MARK4: variants seen among roughly 807,000 people sequenced by gnomAD.
MARK4 encodes the protein MAP/microtubule affinity-regulating kinase 4.
A neutral mutation model predicts 81.5 loss-of-function variants in MARK4; 19 were observed. The observed-to-expected ratio is 0.23, with a 90% confidence interval of 0.16 to 0.34. MARK4 has a LOEUF of 0.34. Among genes scored for constraint, MARK4 ranks in the 10% least tolerant of loss-of-function variants. MARK4 has a pLI of 1.00. For synonymous variants in MARK4, 436 were observed against 439.0 expected (o/e 0.99, Z 0.08); for missense variants, 772 against 1,058.8 (o/e 0.73, Z 3.76).
intron 12 of MARK4, among the ~76,000 whole-genome samples, chr19:45,282,255 C>A (rs1330725671): frequency 1.3e-5 from 2 of 151,286 alleles, no homozygotes; most frequent in African/African-American, 4.9e-5. Context: ...AGGATACACA[C>A]CACCATCAGC....
rs1437831748 is a variant in MARK4, at chr19:45,298,098, T to G, written c.1877+144T>G. ...CCTCGTTTCCTCCTCCTCCTCCTCC[T>G]TTCCTCCTCCCCTGTCACCCCTCAC... On this transcript the variant is annotated intron_variant, in intron 15 of 16. Coordinates refer to ENST00000262891, the MANE Select transcript of MARK4 (RefSeq NM_001199867.2). 3 of 1,591,808 alleles carry G rather than the reference T, an allele frequency of 1.9e-6. No individual in the cohort carries two copies. In the East Asian group the frequency reaches 6.7e-5, roughly 36 times the overall value.
chr19:45,299,064 TAAAAAA>T (rs59720430), intron 15 of MARK4, among the ~76,000 whole-genome samples: 2 of 85,002 alleles, frequency 2.4e-5, no homozygotes, highest in African/African-American at 1.2e-4. Flanking sequence ...AACCTGTCTC[TAAAAAA>T]AAAAAAAAAA....
chr19:45,288,070 T>A (rs1055270634), intron 13 of MARK4: 2 of 221,446 alleles, frequency 9.0e-6, no homozygotes, highest in African/African-American at 2.3e-5. Flanking sequence ...CAACTAAAAA[T>A]CAAAAAAATT....
intron 12 of MARK4, among the ~76,000 whole-genome samples, chr19:45,281,208 A>AC (rs1314608930): frequency 6.7e-6 from 1 of 149,298 alleles, no homozygotes; most frequent in African/African-American, 2.5e-5. Flanking sequence ...GCCTGCCATA[A>AC]CCCCCCGGCT....
chr19:45,282,978 C>T (rs1351127774), intron 12 of MARK4, among the ~76,000 whole-genome samples: 10 of 151,726 alleles, frequency 6.6e-5, no homozygotes, highest in Admixed American at 2.6e-4. Flanking sequence ...GGTTACAGAG[C>T]GAGACCTCAT....
chr19:45,253,189 C>A lies in MARK4; in HGVS notation c.51+1550C>A, dbSNP rs543518715. 2.1e-4 allele frequency among the ~76,000 whole-genome samples: 29 copies of A among 140,066 alleles called. No homozygotes were observed. In the South Asian group the frequency reaches 3.9e-3, roughly 19 times the overall value. 91.9% of individuals were successfully genotyped at this position (140,066 alleles called of 152,430 possible). A position where few individuals can be genotyped will look rare whatever the true frequency, so the allele number is the denominator to read the frequency against. On this transcript the variant is annotated intron_variant, in intron 1 of 16. Coordinates refer to ENST00000262891, the MANE Select transcript of MARK4 (RefSeq NM_001199867.2). ...TTTCCCTCACCTCCGACAGACCCCC[C>A]CACACACACACACCATCAGAGAGAT...
At chr19:45,277,297 C>G (rs746098482) in intron 8 of MARK4, among the ~76,000 whole-genome samples, 3 of 151,926 alleles carry the variant, frequency 2.0e-5, no homozygotes, top group African/African-American at 7.3e-5. Flanking sequence ...AGGCTGGTCT[C>G]GAACTCCTGA....
At chr19:45,282,014 G>A (rs926405867) in intron 12 of MARK4, among the ~76,000 whole-genome samples, 41 of 151,930 alleles carry the variant, frequency 2.7e-4, no homozygotes, top group South Asian at 6.2e-4. Flanking sequence ...ACCTGAGGTT[G>A]GGAGTTTGAG....
At chr19:45,281,022 C>G (rs1259111575) in intron 12 of MARK4, among the ~76,000 whole-genome samples, 2 of 151,746 alleles carry the variant, frequency 1.3e-5, no homozygotes, top group African/African-American at 2.4e-5. Context: ...TCTCACTTAT[C>G]TCATCCTATC....
chr19:45,265,016 TAA>T (rs1970433062), intron 6 of MARK4, 106 bp downstream of exon 6: 4 of 1,119,390 alleles, frequency 3.6e-6, no homozygotes, highest in Non-Finnish European at 5.3e-6. Context: ...GGGCGGGGCT[TAA>T]GTCTGGGCAG....
chr19:45,261,882 A>G (rs1336615949), intron 2 of MARK4, among the ~76,000 whole-genome samples: 1 of 151,350 alleles, frequency 6.6e-6, no homozygotes, highest in Non-Finnish European at 1.5e-5. Flanking sequence ...GCGGTGAGCC[A>G]AGATTGCGCC....
rs374558524 is a variant in MARK4 at position 45,302,718 on chromosome 19, C to T, written c.*8C>T. The T allele has an allele frequency of 9.6e-5, 147 of 1,536,030 alleles. No homozygotes were observed. Among genetic ancestry groups the T allele is most frequent in the South Asian group, 2.7e-4 (23 of 84,120 alleles). Reference sequence around the variant, plus strand: ...AACGACCTCGAGCTCTGAGCCACCACGGTCCCAGGGCCCTTACTCTTCCTC... The same window carrying T: ...AACGACCTCGAGCTCTGAGCCACCATGGTCCCAGGGCCCTTACTCTTCCTC... On this transcript the variant is annotated 3_prime_UTR_variant, in exon 17 of 17. Transcript: ENST00000262891. The surrounding 1 kb of genome is among the most constrained non-coding windows in gnomAD (Gnocchi z 4.9).
At chr19:45,254,470 G>A (rs911405321) in intron 1 of MARK4, among the ~76,000 whole-genome samples, 6 of 152,216 alleles carry the variant, frequency 3.9e-5, no homozygotes, top group Admixed American at 3.3e-4. Context: ...TCTCTCCTGG[G>A]AAGAAGCCTG....
At chr19:45,267,025 C>G (rs1412052204) in intron 7 of MARK4, among the ~76,000 whole-genome samples, 1 of 151,962 alleles carries the variant, frequency 6.6e-6, no homozygotes, top group African/African-American at 2.4e-5. Flanking sequence ...AGCCACGGCA[C>G]CTGGCCGGGA....
chr19:45,263,368 G>T lies in MARK4; in HGVS notation c.355+1G>T. The T allele has an allele frequency of 6.2e-7, 1 of 1,614,160 alleles. No individual in the cohort carries two copies. Among genetic ancestry groups the T allele is most frequent in the Non-Finnish European group, 8.5e-7 (1 of 1,180,012 alleles). ...AAGGGCCTAAACCACCCCAACATCGGTGAGGAGGGAATGGGAGCAGGGGCA... is the reference window on the plus strand; with the variant it reads ...AAGGGCCTAAACCACCCCAACATCGTTGAGGAGGGAATGGGAGCAGGGGCA... On this transcript the variant is annotated splice_donor_variant, in intron 4 of 16. Coordinates refer to ENST00000262891, the MANE Select transcript of MARK4 (RefSeq NM_001199867.2). LOFTEE classifies it high-confidence loss of function.
chr19:45,286,057 T>A (rs1239922270), intron 12 of MARK4, among the ~76,000 whole-genome samples: 2 of 151,988 alleles, frequency 1.3e-5, no homozygotes, highest in African/African-American at 4.8e-5. Flanking sequence ...TTTTTTGTTG[T>A]TGTTTTTGTT....
intron 15 of MARK4, among the ~76,000 whole-genome samples, chr19:45,298,540 G>A (rs1398341591): frequency 1.3e-5 from 2 of 152,160 alleles, no homozygotes; most frequent in East Asian, 1.9e-4. Context: ...TGGACTGAGC[G>A]TAGAACATTG....
rs1971001079 is a variant in MARK4 at position 45,303,145 on chromosome 19, C to T, written c.*435C>T. On this transcript the variant is annotated 3_prime_UTR_variant, in exon 17 of 17. Coordinates refer to ENST00000262891, the MANE Select transcript of MARK4 (RefSeq NM_001199867.2). ...GGGTCAGAGAGGCAGATTCCTTCCC[C>T]TCCCGTCCCCTCACGCTCAAACCCC... 1 of 199,080 alleles carries T rather than the reference C, an allele frequency of 5.0e-6. No homozygotes were observed. Among genetic ancestry groups the T allele is most frequent in the East Asian group, 1.6e-4 (1 of 6,266 alleles). 12.3% of individuals were successfully genotyped at this position (199,080 alleles called of 1,614,324 possible).
intron 10 of MARK4, chr19:45,280,137 C>G (rs1224452719): frequency 4.5e-6 from 2 of 447,984 alleles, no homozygotes; most frequent in African/African-American, 4.0e-5. Flanking sequence ...TTGCTTGTGC[C>G]CAGGAGTTTC....
Sources: gnomAD v4.1 joint callset for allele counts (sites outside exome capture counted in the v4.1 genomes callset) on GRCh38, gnomAD v4.1.1 for gene constraint, Gnocchi (gnomAD v3.1) non-coding constraint, MANE v1.5 for transcripts, NCBI Gene and HGNC (gene_info 2026-07-23, HGNC 2026-07-21) for gene names.